The following AGAP2 variants were observed in gnomAD, a reference collection of about 807,000 sequenced individuals.
AGAP2 encodes the protein arf-GAP with GTPase, ANK repeat and PH domain-containing protein 2.
AGAP2 carries 32 observed loss-of-function variants against 110.9 expected under a neutral mutation model. That is an observed-to-expected ratio of 0.29 (90% CI 0.22 to 0.39). The LOEUF is 0.39. Ranked by LOEUF, AGAP2 falls within the 10% of genes least tolerant of loss-of-function variation. The pLI, the probability that AGAP2 is intolerant of heterozygous loss-of-function variation, is 1.00. For missense variants in AGAP2, 1,285 were observed against 1,638.5 expected (o/e 0.78, Z 3.72); for synonymous variants, 702 against 713.0 (o/e 0.98, Z 0.25).
In AGAP2 at chr12:57,725,693, A is replaced by AC. The variant is rs1954749334; in HGVS notation, c.*858dup. On this transcript the variant is annotated 3_prime_UTR_variant, in exon 19 of 19. Coordinates refer to ENST00000547588, the MANE Select transcript of AGAP2 (RefSeq NM_001122772.3). ...ACAGACACAACCCGAGAGCACCCCCACCCCAACCCACCCCCTGCCCACCCT... is the reference window on the plus strand; with the variant it reads ...ACAGACACAACCCGAGAGCACCCCCACCCCCAACCCACCCCCTGCCCACCCT... 1.8e-5 allele frequency: 1 copy of AC among 55,148 alleles called. No homozygotes were observed. Among genetic ancestry groups the AC allele is most frequent in the African/African-American group, 6.7e-5 (1 of 14,954 alleles). The allele number at this position is 55,148 out of a possible 1,614,324, so 3.4% of individuals were successfully genotyped here. A position where few individuals can be genotyped will look rare whatever the true frequency, so the allele number is the denominator to read the frequency against.
Position 57,726,992 on chromosome 12 carries a change from G to C in AGAP2, c.3318C>G (p.Ile1106Met), listed in dbSNP as rs34772922. Residue 1106 changes from isoleucine to methionine, a missense_variant, in exon 18 of 19, where the codon ATC (isoleucine) becomes ATG (methionine). Ile to Met is a conservative substitution (Grantham distance 10). Coordinates refer to ENST00000547588, the MANE Select transcript of AGAP2 (RefSeq NM_001122772.3). The surrounding 1 kb of genome is among the most constrained non-coding windows in gnomAD (Gnocchi z 5.7). ...HLAAELAHVVITQLLLWYGAD... is the reference protein window; with the variant it reads ...HLAAELAHVVMTQLLLWYGAD... Reference sequence around the variant, plus strand: ...CACGTACCCACAGCAGCAGTTGCGTGATGACGACGTGGGCGAGCTCGGCCG... The same window carrying C: ...CACGTACCCACAGCAGCAGTTGCGTCATGACGACGTGGGCGAGCTCGGCCG... 1.4e-3 allele frequency: 2,301 copies of C among 1,595,782 alleles called. 27 individuals carry two copies. In the African/African-American group the frequency reaches 0.027, roughly 19 times the overall value.
chr12:57,737,423 G>A lies in AGAP2; in HGVS notation c.824C>T (p.Thr275Ile), dbSNP rs1565797929. 11 of 1,613,766 alleles carry A rather than the reference G, an allele frequency of 6.8e-6. 1 individual carries two copies. In the South Asian group the frequency reaches 1.1e-4, roughly 16 times the overall value. The change falls in exon 1 of 19, where the codon ACC becomes ATC. Residue 275 changes from threonine to isoleucine, a missense_variant. Thr to Ile is a moderately conservative substitution (Grantham distance 89, BLOSUM62 -1). Coordinates refer to ENST00000547588, the MANE Select transcript of AGAP2 (RefSeq NM_001122772.3). The surrounding 1 kb of genome is among the most constrained non-coding windows in gnomAD (Gnocchi z 5.9). ...CGGATGCAAGTCACTGTTGTCCAAGGTCTTACTCTTGCCTTTCCGAGGGGA... is the reference window on the plus strand; with the variant it reads ...CGGATGCAAGTCACTGTTGTCCAAGATCTTACTCTTGCCTTTCCGAGGGGA... ...KLSPRKGKSK[T>I]LDNSDLHPGP...
At chr12:57,735,299 G>C in intron 2 of AGAP2, 70 bp downstream of exon 2, 6 of 1,387,500 alleles carry the variant, frequency 4.3e-6, no homozygotes, top group Non-Finnish European at 6.1e-6. Context: ...GAGAGGTGAA[G>C]GGAGAGAGCT....
chr12:57,739,551 G>A (rs1242215050), upstream of AGAP2, among the ~76,000 whole-genome samples: 9 of 152,172 alleles, frequency 5.9e-5, no homozygotes, highest in Admixed American at 5.9e-4. Flanking sequence ...AAAGGCTCCA[G>A]CTCTAGGAGG....
At chr12:57,732,683 C>CGACT (rs1954909438) in intron 6 of AGAP2, among the ~76,000 whole-genome samples, 162 bp downstream of exon 6, 1 of 152,350 alleles carries the variant, frequency 6.6e-6, no homozygotes, top group Non-Finnish European at 1.5e-5. Flanking sequence ...AAAGACCTTG[C>CGACT]GACTATTAAG....
rs753064899 is a variant in AGAP2, at chr12:57,732,443, G to T, written c.1754C>A (p.Ser585Tyr). 6.2e-7 allele frequency: 1 copy of T among 1,603,474 alleles called. No individual in the cohort carries two copies. Among genetic ancestry groups the T allele is most frequent in the Non-Finnish European group, 8.5e-7 (1 of 1,174,908 alleles). Residue 585 changes from serine to tyrosine, a missense_variant, in exon 7 of 19, where the codon TCC becomes TAC. Ser to Tyr is a moderately radical substitution (Grantham distance 144). This residue lies in a region of AGAP2 where 844 missense variants were observed against 941.2 expected (regional missense o/e 0.90). Coordinates refer to ENST00000547588, the MANE Select transcript of AGAP2 (RefSeq NM_001122772.3). ...LLAACKSLPS[S>Y]PSHSAASTPV... is the part of the protein sequence containing the mutation. ...AGTGGATGCAGCTGAGTGGCTTGGG[G>T]AGCTGGGCAGGGACTTGCAGGCAGC...
rs1465671383 is a variant in AGAP2, at chr12:57,731,585, C to T, written c.2011G>A (p.Gly671Arg). 1.2e-6 allele frequency: 2 copies of T among 1,614,046 alleles called. No individual in the cohort carries two copies. ...RSLDSRGETT[G>R]SGRAIPIKQS... ...TTGATGGGGATGGCTCGCCCACTCC[C>T]TGTTGTCTCTCCCCGACTATCCAAG... Residue 671 changes from glycine to arginine, a missense_variant, in exon 9 of 19, where the codon GGG (glycine) becomes AGG (arginine). Coordinates refer to ENST00000547588, the MANE Select transcript of AGAP2 (RefSeq NM_001122772.3).
chr12:57,730,770 T>G, intron 11 of AGAP2, 21 bp downstream of exon 11: 1 of 1,613,378 alleles, frequency 6.2e-7, no homozygotes, highest in South Asian at 1.1e-5. Context: ...CTTCTGCTCC[T>G]ATGTCATAAA....
chr12:57,733,003 G>A, intron 5 of AGAP2, 24 bp from the exon 6 acceptor site: 1 of 1,613,528 alleles, frequency 6.2e-7, no homozygotes, highest in South Asian at 1.1e-5. Context: ...AAAGGGGCAG[G>A]ATTGAACAAG....
rs80333438 is a variant in AGAP2 at position 57,737,230 on chromosome 12, A to T, written c.1017T>A (p.Thr339=). The change falls in exon 1 of 19, where the codon ACT becomes ACA. Residue 339 remains threonine, a synonymous_variant. Coordinates refer to ENST00000547588, the MANE Select transcript of AGAP2 (RefSeq NM_001122772.3). This position sits in a 1 kb window ranked among gnomAD's most constrained non-coding sequence, Gnocchi z 5.9. Reference sequence around the variant, plus strand: ...TAAACTTGAGCATCTTGCGGTCACGAGTGGATGCTCGGCCCCCCTCCCGGC... The same window carrying T: ...TAAACTTGAGCATCTTGCGGTCACGTGTGGATGCTCGGCCCCCCTCCCGGC... ...KRGREGGRAS[T]RDRKMLKFIS... The T allele has an allele frequency of 1.9e-6, 3 of 1,611,048 alleles. No individual in the cohort carries two copies. The East Asian group carries it at 6.7e-5, about 36-fold the overall frequency.
At position 57,738,124 on chromosome 12, in the gene AGAP2, G is replaced by A. The variant is rs1274517246; in HGVS notation, c.123C>T (p.Ala41=). ...PPSPSAAAAG[A]AGARGSETGD... Reference sequence around the variant, plus strand: ...CAGTCTCGGAGCCTCTGGCACCGGCGGCGCCGGCCGCGGCCGCAGACGGAG... The same window carrying A: ...CAGTCTCGGAGCCTCTGGCACCGGCAGCGCCGGCCGCGGCCGCAGACGGAG... Residue 41 remains alanine (A), a synonymous_variant, in exon 1 of 19, where the codon GCC becomes GCT. Transcript: ENST00000547588. The surrounding 1 kb of genome is among the most constrained non-coding windows in gnomAD (Gnocchi z 6.7). The A allele has an allele frequency of 1.3e-5, 20 of 1,520,386 alleles. No homozygotes were observed. Among genetic ancestry groups the A allele is most frequent in the Non-Finnish European group, 1.7e-5 (19 of 1,139,620 alleles). The allele number at this position is 1,520,386 out of a possible 1,614,324, so 94.2% of individuals were successfully genotyped here. A position where few individuals can be genotyped will look rare whatever the true frequency, so the allele number is the denominator to read the frequency against.
chr12:57,738,312 G>T lies in AGAP2; in HGVS notation c.-66C>A, dbSNP rs1955030860. On this transcript the variant is annotated 5_prime_UTR_variant, in exon 1 of 19. Coordinates refer to ENST00000547588, the MANE Select transcript of AGAP2 (RefSeq NM_001122772.3). This position sits in a 1 kb window ranked among gnomAD's most constrained non-coding sequence, Gnocchi z 6.7. ...CCCCGGACTGCCTCAGGGGGGCCCG[G>T]CCATGGGGCCGCCCTGCTCGCTGCC... The T allele has an allele frequency of 2.2e-6, 3 of 1,389,082 alleles. No individual in the cohort carries two copies. The highest frequency in any genetic ancestry group is 2.8e-6 in the Non-Finnish European group (3 of 1,077,422). The allele number at this position is 1,389,082 out of a possible 1,614,324, so 86.0% of individuals were successfully genotyped here.
rs1464728681 is a variant in AGAP2 at position 57,738,310 on chromosome 12, C to A, written c.-64G>T. ...TCCCCCGGACTGCCTCAGGGGGGCC[C>A]GGCCATGGGGCCGCCCTGCTCGCTG... On this transcript the variant is annotated 5_prime_UTR_variant, in exon 1 of 19. Coordinates refer to ENST00000547588, the MANE Select transcript of AGAP2 (RefSeq NM_001122772.3). This position sits in a 1 kb window ranked among gnomAD's most constrained non-coding sequence, Gnocchi z 6.7. The A allele has an allele frequency of 2.9e-6, 4 of 1,392,874 alleles. No homozygotes were observed. The highest frequency in any genetic ancestry group is 3.7e-6 in the Non-Finnish European group (4 of 1,079,448). The allele number at this position is 1,392,874 out of a possible 1,614,324, so 86.3% of individuals were successfully genotyped here.
chr12:57,731,431 CTTT>C lies in AGAP2; in HGVS notation c.2077_2079del (p.Lys693del). 1 of 1,614,152 alleles carries C rather than the reference CTTT, an allele frequency of 6.2e-7. No homozygotes were observed. Among genetic ancestry groups the C allele is most frequent in the Non-Finnish European group, 8.5e-7 (1 of 1,180,028 alleles). Reference sequence around the variant, plus strand: ...AGGGTTACATATTTCTTCTTCCATTCTTTGTTCAAGGAATTGCCACTTCGTTTT... The same window carrying C: ...AGGGTTACATATTTCTTCTTCCATTCGTTCAAGGAATTGCCACTTCGTTTT... On this transcript the variant is annotated inframe_deletion, in exon 10 of 19. Transcript: ENST00000547588.
upstream of AGAP2, among the ~76,000 whole-genome samples, chr12:57,739,184 G>A (rs1955046553): frequency 6.6e-6 from 1 of 152,124 alleles, no homozygotes; most frequent in Non-Finnish European, 1.5e-5. Context: ...TGGCATTTAG[G>A]GATAAGGGTG....
chr12:57,727,181 G>C lies in AGAP2; in HGVS notation c.3129C>G (p.Phe1043Leu), dbSNP rs1182640797. ...CCTCCGAGGTGCTCAGCGGCGCCAG[G>C]AACAGTAGCTGCTCGTACTTGGCGC... ...WIRAKYEQLL[F>L]LAPLSTSEEP... The change falls in exon 18 of 19, where the codon TTC becomes TTG. Residue 1043 changes from phenylalanine to leucine, a missense_variant. Transcript: ENST00000547588. 6.2e-7 allele frequency: 1 copy of C among 1,610,746 alleles called. No individual in the cohort carries two copies. Among genetic ancestry groups the C allele is most frequent in the Middle Eastern group, 1.7e-4 (1 of 6,054 alleles).
At chr12:57,735,955 C>T (rs1954973004) in intron 1 of AGAP2, among the ~76,000 whole-genome samples, 6 of 152,182 alleles carry the variant, frequency 3.9e-5, no homozygotes, top group Admixed American at 3.9e-4. Context: ...TCCCCACAGC[C>T]CAAGGGAAAG....
At chr12:57,740,435 T>A (rs1475070568), upstream of AGAP2, among the ~76,000 whole-genome samples, 1 of 152,132 alleles carries the variant, frequency 6.6e-6, no homozygotes, top group Non-Finnish European at 1.5e-5. Flanking sequence ...CCTCCTTTGA[T>A]GGCCTCGGTT....
At position 57,734,394 on chromosome 12, in the gene AGAP2, G is replaced by C; in HGVS notation, c.1326C>G (p.Tyr442Ter). 1 of 1,614,160 alleles carries C rather than the reference G, an allele frequency of 6.2e-7. No individual in the cohort carries two copies. The highest frequency in any genetic ancestry group is 8.5e-7 in the Non-Finnish European group (1 of 1,180,024). The change falls in exon 4 of 19, where the codon TAC becomes TAG. Residue 442 changes from tyrosine (Y) to a stop codon, truncating the protein, a stop_gained. Transcript: ENST00000547588. LOFTEE classifies it high-confidence loss of function. ...QVLEKTESEQ[Y>*]KKEMLVDGQT... ...GTCCATCCACCAACATTTCTTTCTT[G>C]TACTGCTCACCTGTCCAGAAGAGTT...
Sources: allele counts gnomAD v4.1 joint callset (sites outside exome capture counted in the v4.1 genomes callset), GRCh38; gene constraint gnomAD v4.1.1; regional missense constraint gnomAD v4.1.1; non-coding constraint Gnocchi (gnomAD v3.1); transcripts MANE v1.5; gene names NCBI Gene and HGNC (gene_info 2026-07-23, HGNC 2026-07-21).